The following ECT2L variants were observed in gnomAD, a reference collection of about 807,000 sequenced individuals.
ECT2L encodes epithelial cell transforming 2 like.
A neutral mutation model predicts 122.8 loss-of-function variants in ECT2L; 126 were observed. The ratio of observed to expected loss-of-function variants is 1.03; its 90% CI spans 0.89 to 1.19. The LOEUF (loss-of-function observed/expected upper bound fraction) is 1.19. ECT2L is among the 50% of genes most tolerant of loss of function. ECT2L has a pLI of 0.00. For missense variants in ECT2L, 1,012 were observed against 1,064.1 expected, an observed-to-expected ratio of 0.95 and a Z score of 0.68; for synonymous variants, 385 against 381.8, an observed-to-expected ratio of 1.01 and a Z score of -0.10.
intron 7 of ECT2L, among the ~76,000 whole-genome samples, chr6:138,844,792 G>A (rs1302547515): frequency 8.7e-6 from 1 of 114,674 alleles, no homozygotes; most frequent in Admixed American, 1.0e-4. Context: ...CATTTTAAAT[G>A]TTCTTTTTTT....
chr6:138,888,318 T>C (rs1035051210), intron 19 of ECT2L, among the ~76,000 whole-genome samples: 1 of 61,218 alleles, frequency 1.6e-5, no homozygotes. Flanking sequence ...TTTTCTTTTC[T>C]TTTTTTTTTT....
intron 10 of ECT2L, among the ~76,000 whole-genome samples, chr6:138,857,177 T>G (rs1777640242): frequency 6.6e-6 from 1 of 152,170 alleles, no homozygotes; most frequent in Non-Finnish European, 1.5e-5. Flanking sequence ...CTTTATTGGA[T>G]TGTTTCTATC....
At chr6:138,819,813 G>A (rs141500004) in intron 4 of ECT2L, among the ~76,000 whole-genome samples, 2,880 of 152,028 alleles carry the variant, frequency 0.019, 37 homozygotes, top group Non-Finnish European at 0.028. Flanking sequence ...CTTGAACCTG[G>A]GAGGTGGAGG....
chr6:138,840,391 G>A (rs1776997617), intron 5 of ECT2L, among the ~76,000 whole-genome samples: 1 of 150,974 alleles, frequency 6.6e-6, no homozygotes, highest in Non-Finnish European at 1.5e-5. Flanking sequence ...ATTTTTTTCT[G>A]TAGTTCATTT....
At position 138,856,756 on chromosome 6, in the gene ECT2L, A is replaced by G. The variant is rs368768189; in HGVS notation, c.1198+2602A>G. On this transcript the variant is annotated intron_variant, in intron 10 of 21. Transcript: ENST00000541398. The stretch of plus-strand genomic sequence containing the variant: ...TAAAGCAGCTTTAAAGACTGTTGGA[A>G]TAAGTGATACAACCGTTCTGATTGG... Among the ~76,000 whole-genome samples the G allele has an allele frequency of 3.3e-5, 5 of 152,358 alleles. 1 individual carries two copies. Among genetic ancestry groups the G allele is most frequent in the East Asian group, 3.9e-4 (2 of 5,192 alleles).
At chr6:138,894,846 C>A (rs183497780) in intron 20 of ECT2L, among the ~76,000 whole-genome samples, 17 of 152,294 alleles carry the variant, frequency 1.1e-4, no homozygotes, top group African/African-American at 4.1e-4. Context: ...CCAAGCTTAG[C>A]CCAAATAAAC....
chr6:138,801,182 T>C (rs959346212), intron 1 of ECT2L, among the ~76,000 whole-genome samples: 1 of 152,202 alleles, frequency 6.6e-6, no homozygotes, highest in Non-Finnish European at 1.5e-5. Flanking sequence ...ACTGCAATTA[T>C]ACAACAATTA....
chr6:138,876,596 G>C, intron 14 of ECT2L, 38 bp downstream of exon 14: 1 of 1,362,750 alleles, frequency 7.3e-7, no homozygotes. Flanking sequence ...CATTGGTTTT[G>C]CTCCTGATAG....
At chr6:138,812,222 C>T (rs1233462028) in intron 1 of ECT2L, among the ~76,000 whole-genome samples, 2 of 152,164 alleles carry the variant, frequency 1.3e-5, no homozygotes, top group African/African-American at 2.4e-5. Flanking sequence ...GGAATTATAG[C>T]CCCTAGAACT....
At chr6:138,825,018 C>T (rs1033509024) in intron 4 of ECT2L, among the ~76,000 whole-genome samples, 64 of 152,136 alleles carry the variant, frequency 4.2e-4, no homozygotes, top group African/African-American at 1.1e-3. Flanking sequence ...GATCCAAGGC[C>T]GGCCTGGCCA....
chr6:138,892,406 T>C (rs899626090), intron 20 of ECT2L, among the ~76,000 whole-genome samples: 2 of 152,250 alleles, frequency 1.3e-5, no homozygotes, highest in Admixed American at 1.3e-4. Flanking sequence ...AAGTTTCTGC[T>C]CTGATAATTC....
Position 138,885,822 on chromosome 6 carries a change from A to G in ECT2L, c.2251A>G (p.Ile751Val), listed in dbSNP as rs747419198. 3.1e-6 allele frequency: 5 copies of G among 1,613,496 alleles called. No homozygotes were observed. The East Asian group carries it at 1.1e-4, about 36-fold the overall frequency. ...CCAAATCAAAAAATATAAAGGTTAT[A>G]TAGATCAGGTTGGTTGCTGATAAGA... ...IDQIKKYKGY[I>V]DQMKQNITMK... The change falls in exon 18 of 22, where the codon ATA becomes GTA. Residue 751 changes from isoleucine (I) to valine (V), a missense_variant. Physicochemically the swap from Ile to Val is conservative, Grantham distance 29. Coordinates refer to ENST00000541398, the MANE Select transcript of ECT2L (RefSeq NM_001077706.3).
At chr6:138,848,077 CTCAG>C (rs1219634319) in intron 8 of ECT2L, among the ~76,000 whole-genome samples, 1 of 152,152 alleles carries the variant, frequency 6.6e-6, no homozygotes, top group Non-Finnish European at 1.5e-5. Flanking sequence ...TGAAAACTCA[CTCAG>C]TGTCATGAGA....
chr6:138,855,532 G>GA (rs1256676825), intron 10 of ECT2L, among the ~76,000 whole-genome samples: 4 of 151,932 alleles, frequency 2.6e-5, no homozygotes, highest in African/African-American at 9.7e-5. Context: ...AATATGCATA[G>GA]AAAAATCTAA....
intron 4 of ECT2L, among the ~76,000 whole-genome samples, chr6:138,815,957 A>G (rs1157577335): frequency 6.6e-6 from 1 of 152,180 alleles, no homozygotes; most frequent in East Asian, 1.9e-4. Flanking sequence ...CAGATTGTTA[A>G]CGGACTCTCC....
chr6:138,814,454 G>A (rs1776002312), intron 3 of ECT2L, 37 bp from the exon 4 acceptor site: 2 of 1,351,246 alleles, frequency 1.5e-6, no homozygotes, highest in Non-Finnish European at 2.1e-6. Flanking sequence ...ACAATGAACT[G>A]TACAGCAAAT....
intron 18 of ECT2L, among the ~76,000 whole-genome samples, chr6:138,886,531 T>C (rs914661628): frequency 1.3e-5 from 2 of 151,934 alleles, no homozygotes; most frequent in Non-Finnish European, 2.9e-5. Context: ...CCTCAGCCTC[T>C]TGAGTAGCTG....
At chr6:138,862,570 T>A (rs1265997745) in intron 10 of ECT2L, 57 bp from the exon 11 acceptor site, 1 of 1,512,692 alleles carries the variant, frequency 6.6e-7, no homozygotes, top group Non-Finnish European at 9.2e-7. Flanking sequence ...CCAAGTTATA[T>A]GATCTTCCAT....
chr6:138,840,913 C>T (rs9376376), intron 5 of ECT2L, among the ~76,000 whole-genome samples: 117,808 of 152,052 alleles, frequency 0.77, 45,923 homozygotes, highest in East Asian at 0.86. Context: ...AGATTCACCA[C>T]GTCTCATAAC....
Sources: gnomAD v4.1 joint callset for allele counts (sites outside exome capture counted in the v4.1 genomes callset) on GRCh38, gnomAD v4.1.1 for gene constraint, MANE v1.5 for transcripts, NCBI Gene and HGNC (gene_info 2026-07-23, HGNC 2026-07-21) for gene names.